KLHL8: variants seen among roughly 807,000 people sequenced by gnomAD.
The protein encoded by KLHL8 is kelch like family member 8.
Under a neutral mutation model 63.5 loss-of-function variants are expected in KLHL8, and 38 were observed. The ratio of observed to expected loss-of-function variants is 0.60; its 90% CI spans 0.46 to 0.78. The LOEUF (loss-of-function observed/expected upper bound fraction) is 0.78. Among genes scored for constraint, KLHL8 ranks in the 30% least tolerant of loss-of-function variants. KLHL8 has a pLI of 0.00. For synonymous variants in KLHL8, 224 were observed against 254.3 expected, an observed-to-expected ratio of 0.88 and a Z score of 1.13; for missense variants, 566 against 752.4, an observed-to-expected ratio of 0.75 and a Z score of 2.90.
intron 8 of KLHL8, chr4:87,166,832 G>A (rs949904803): frequency 1.3e-5 from 2 of 158,110 alleles, no homozygotes; most frequent in Non-Finnish European, 2.8e-5. Flanking sequence ...GTCCCCAAGT[G>A]GTGTGCATTC....
upstream of KLHL8, among the ~76,000 whole-genome samples, chr4:87,221,771 ATTT>A (rs1418171003): frequency 6.6e-6 from 1 of 152,144 alleles, no homozygotes; most frequent in South Asian, 2.1e-4. Context: ...AAAAAATCAC[ATTT>A]TTTACATTGA....
intron 1 of KLHL8, among the ~76,000 whole-genome samples, chr4:87,230,882 T>C (rs1000135216): frequency 3.9e-5 from 6 of 152,216 alleles, no homozygotes; most frequent in Non-Finnish European, 8.8e-5. Flanking sequence ...ACCAGAAGCC[T>C]AGATGTTAGG....
At position 87,170,187 on chromosome 4, in the gene KLHL8, C is replaced by A; in HGVS notation, c.1429G>T (p.Val477Leu). 1.2e-6 allele frequency: 2 copies of A among 1,613,928 alleles called. No homozygotes were observed. The highest frequency in any genetic ancestry group is 1.7e-6 in the Non-Finnish European group (2 of 1,179,874). Reference sequence around the variant, plus strand: ...TCCAGATGTGGATCATATCTCTCCACGCTAGATAAAGAAGCCATTCCATCA... The same window carrying A: ...TCCAGATGTGGATCATATCTCTCCAAGCTAGATAAAGAAGCCATTCCATCA... The part of the protein sequence containing the change: ...GNDGMASLSS[V>L]ERYDPHLDKW... The change falls in exon 8 of 10, where the codon GTG becomes TTG. Residue 477 changes from valine (V) to leucine (L), a missense_variant. By Grantham distance (32) the Val-to-Leu change is conservative. Coordinates refer to ENST00000273963, the MANE Select transcript of KLHL8 (RefSeq NM_020803.5).
At chr4:87,207,269 C>T in intron 1 of KLHL8, 1 of 578,418 alleles carries the variant, frequency 1.7e-6, no homozygotes, top group East Asian at 3.9e-5. Flanking sequence ...ACCGTAAAGG[C>T]TGAGAATGGG....
intron 1 of KLHL8, among the ~76,000 whole-genome samples, chr4:87,213,850 AC>A (rs1486832496): frequency 2.0e-5 from 3 of 152,222 alleles, no homozygotes; most frequent in Non-Finnish European, 4.4e-5. Flanking sequence ...GACACAAGGC[AC>A]ATAAACTGGC....
chr4:87,198,024 A>C (rs1731766976), intron 1 of KLHL8, among the ~76,000 whole-genome samples: 1 of 151,632 alleles, frequency 6.6e-6, no homozygotes, highest in Non-Finnish European at 1.5e-5. Flanking sequence ...AAAAAAAAAA[A>C]AAACCACTTA....
chr4:87,222,907 A>G (rs114700148), upstream of KLHL8, among the ~76,000 whole-genome samples: 539 of 152,194 alleles, frequency 3.5e-3, 1 homozygote, highest in African/African-American at 0.012. Flanking sequence ...TAGTAAGACC[A>G]TGTTAATAGA....
At chr4:87,208,722 A>G (rs1732266065) in intron 1 of KLHL8, among the ~76,000 whole-genome samples, 1 of 152,144 alleles carries the variant, frequency 6.6e-6, no homozygotes, top group African/African-American at 2.4e-5. Context: ...TCTTATTTTT[A>G]AACTTTACTA....
At chr4:87,177,808 C>T (rs537532390) in intron 5 of KLHL8, among the ~76,000 whole-genome samples, 2 of 152,090 alleles carry the variant, frequency 1.3e-5, no homozygotes, top group Non-Finnish European at 2.9e-5. Flanking sequence ...GATCTTCCTA[C>T]GTTGCCCAGG....
intron 5 of KLHL8, among the ~76,000 whole-genome samples, chr4:87,177,468 C>T (rs1328028395): frequency 6.6e-6 from 1 of 151,934 alleles, no homozygotes; most frequent in Non-Finnish European, 1.5e-5. Context: ...CGCACCACTG[C>T]CTTCTAGCCT....
At chr4:87,238,846 T>C (rs1450391408) in intron 1 of KLHL8, among the ~76,000 whole-genome samples, 1 of 152,226 alleles carries the variant, frequency 6.6e-6, no homozygotes, top group African/African-American at 2.4e-5. Flanking sequence ...CCTGTATAAA[T>C]TGGCTCCATG....
intron 1 of KLHL8, among the ~76,000 whole-genome samples, chr4:87,199,427 G>T (rs1240102994): frequency 6.6e-6 from 1 of 152,028 alleles, no homozygotes; most frequent in Non-Finnish European, 1.5e-5. Context: ...TGGGGAAAAG[G>T]ATTCACAACA....
chr4:87,227,307 G>A (rs574129382), intron 1 of KLHL8, among the ~76,000 whole-genome samples: 10 of 152,042 alleles, frequency 6.6e-5, no homozygotes, highest in South Asian at 2.1e-4. Context: ...TCCTGGAAGC[G>A]ATGGCTTGAG....
At chr4:87,196,677 GA>G (rs1731711456) in intron 1 of KLHL8, among the ~76,000 whole-genome samples, 1 of 152,150 alleles carries the variant, frequency 6.6e-6, no homozygotes, top group African/African-American at 2.4e-5. Flanking sequence ...AAGCATATTT[GA>G]TGAATATCCA....
chr4:87,190,523 A>G (rs1578379430), intron 2 of KLHL8, among the ~76,000 whole-genome samples: 1 of 152,136 alleles, frequency 6.6e-6, no homozygotes, highest in South Asian at 2.1e-4. Flanking sequence ...GGGTGCCTAT[A>G]ATCCCAGCTA....
At chr4:87,208,033 G>T in intron 1 of KLHL8, 1 of 662,498 alleles carries the variant, frequency 1.5e-6, no homozygotes, top group South Asian at 1.4e-5. Context: ...GTATAGCGAT[G>T]AATTTGGCTA....
Position 87,170,194 on chromosome 4 carries a change from T to C in KLHL8, c.1422A>G (p.Leu474=). ...GTGGATCATATCTCTCCACGCTAGA[T>C]AAAGAAGCCATTCCATCATTGCCAC... ...AVGGNDGMAS[L]SSVERYDPHL... Residue 474 remains leucine, a synonymous_variant, in exon 8 of 10, where the codon TTA becomes TTG. Transcript: ENST00000273963. 6.2e-7 allele frequency: 1 copy of C among 1,613,864 alleles called. No individual in the cohort carries two copies. The highest frequency in any genetic ancestry group is 8.5e-7 in the Non-Finnish European group (1 of 1,179,892).
At chr4:87,179,166 TG>T (rs1167067850) in intron 4 of KLHL8, among the ~76,000 whole-genome samples, 1 of 152,132 alleles carries the variant, frequency 6.6e-6, no homozygotes, top group Non-Finnish European at 1.5e-5. Context: ...CATCTCCACT[TG>T]ATGTCCCACA....
chr4:87,166,953 C>A (rs1730424060), intron 8 of KLHL8: 3 of 168,570 alleles, frequency 1.8e-5, no homozygotes, highest in African/African-American at 7.2e-5. Flanking sequence ...GCCGCTCCTG[C>A]CAAGAAGGCC....
Sources: gnomAD v4.1 joint callset for allele counts (sites outside exome capture counted in the v4.1 genomes callset) on GRCh38, gnomAD v4.1.1 for gene constraint, MANE v1.5 for transcripts, NCBI Gene and HGNC (gene_info 2026-07-23, HGNC 2026-07-21) for gene names.